C18orf63: variants seen among roughly 807,000 people sequenced by gnomAD.
The protein encoded by C18orf63 is uncharacterized protein C18orf63.
In C18orf63, 50 loss-of-function variants were observed where a neutral mutation model predicts 75.3. That is an observed-to-expected ratio of 0.66 (90% CI 0.53 to 0.84). The LOEUF (loss-of-function observed/expected upper bound fraction) is 0.84. Among genes scored for constraint, C18orf63 ranks in the 40% least tolerant of loss-of-function variants. The pLI, the probability that C18orf63 is intolerant of heterozygous loss-of-function variation, is 0.00. For synonymous variants in C18orf63, 232 were observed against 267.6 expected (o/e 0.87, Z 1.30); for missense variants, 732 against 800.2 (o/e 0.91, Z 1.03).
In C18orf63 at chr18:74,356,803, A is replaced by C. The variant is rs1325518577; in HGVS notation, c.*356A>C. ...GCCCTTATTGAAATTATCAAACCAC[A>C]TAAAGCACAGATAAGAGTATGAAGA... On this transcript the variant is annotated 3_prime_UTR_variant, in exon 14 of 14. Coordinates refer to ENST00000579455, the MANE Select transcript of C18orf63 (RefSeq NM_001174123.2). 3.3e-5 allele frequency: 5 copies of C among 152,222 alleles called. No homozygotes were observed. Among genetic ancestry groups the C allele is most frequent in the Non-Finnish European group, 7.3e-5 (5 of 68,034 alleles). The allele number at this position is 152,222 out of a possible 1,614,324, so 9.4% of individuals were successfully genotyped here. A position where few individuals can be genotyped will look rare whatever the true frequency, so the allele number is the denominator to read the frequency against.
chr18:74,318,387 A>G (rs1166673912), intron 2 of C18orf63, among the ~76,000 whole-genome samples: 1 of 152,174 alleles, frequency 6.6e-6, no homozygotes, highest in Non-Finnish European at 1.5e-5. Flanking sequence ...GAGATCCTAT[A>G]AACATCTTAG....
intron 3 of C18orf63, among the ~76,000 whole-genome samples, chr18:74,322,479 A>G (rs1984140435): frequency 1.3e-5 from 2 of 152,182 alleles, no homozygotes; most frequent in South Asian, 4.1e-4. Flanking sequence ...TACTGGGGTC[A>G]TGTCACTCCT....
chr18:74,321,272 T>A (rs7244277), intron 3 of C18orf63, among the ~76,000 whole-genome samples: 30,244 of 151,396 alleles, frequency 0.2, 3,236 homozygotes, highest in African/African-American at 0.27. Flanking sequence ...TATGTCCACC[T>A]CGTATTTTCC....
chr18:74,316,895 A>T (rs1251403558), intron 1 of C18orf63, among the ~76,000 whole-genome samples: 12 of 152,260 alleles, frequency 7.9e-5, no homozygotes, highest in African/African-American at 2.9e-4. Context: ...ACTCTTGTTT[A>T]CATACAGTGT....
At chr18:74,325,197 C>T (rs963463964) in intron 4 of C18orf63, among the ~76,000 whole-genome samples, 1 of 152,082 alleles carries the variant, frequency 6.6e-6, no homozygotes, top group African/African-American at 2.4e-5. Context: ...TAAACACGTT[C>T]GTGCTATATA....
chr18:74,331,035 A>G (rs1383586465), intron 7 of C18orf63, 93 bp downstream of exon 7: 2 of 460,118 alleles, frequency 4.3e-6, no homozygotes, highest in African/African-American at 4.1e-5. Flanking sequence ...TTTAATTTTT[A>G]ACATAAAGCG....
chr18:74,341,557 G>A (rs1173370574), intron 8 of C18orf63, among the ~76,000 whole-genome samples: 1 of 152,034 alleles, frequency 6.6e-6, no homozygotes, highest in East Asian at 1.9e-4. Context: ...GTGCACGCTT[G>A]TAATCCCAGC....
intron 10 of C18orf63, 78 bp downstream of exon 10, chr18:74,342,404 A>G: frequency 1.2e-6 from 1 of 810,446 alleles, no homozygotes; most frequent in Non-Finnish European, 2.0e-6. Context: ...CTCATGTCAT[A>G]CTTTTCAACC....
At chr18:74,333,096 C>T (rs1984336833) in intron 7 of C18orf63, among the ~76,000 whole-genome samples, 1 of 152,134 alleles carries the variant, frequency 6.6e-6, no homozygotes, top group Non-Finnish European at 1.5e-5. Context: ...GCCCAACATG[C>T]ATGAACTGGG....
chr18:74,321,499 T>C (rs1281119787), intron 3 of C18orf63, among the ~76,000 whole-genome samples: 1 of 151,758 alleles, frequency 6.6e-6, no homozygotes, highest in Non-Finnish European at 1.5e-5. Context: ...GAGAGAGGGT[T>C]TTCCTGTGTT....
chr18:74,331,731 G>A (rs749641242), intron 7 of C18orf63, among the ~76,000 whole-genome samples: 6 of 152,148 alleles, frequency 3.9e-5, no homozygotes, highest in African/African-American at 9.7e-5. Context: ...GAAACCCCAG[G>A]CATAGAACAA....
intron 11 of C18orf63, among the ~76,000 whole-genome samples, chr18:74,346,198 C>G (rs1450899244): frequency 2.0e-5 from 3 of 151,960 alleles, no homozygotes; most frequent in Admixed American, 6.6e-5. Flanking sequence ...TATTAACTTT[C>G]TAAGATATGG....
At chr18:74,344,207 G>A (rs1984534442) in intron 11 of C18orf63, among the ~76,000 whole-genome samples, 1 of 152,074 alleles carries the variant, frequency 6.6e-6, no homozygotes, top group Non-Finnish European at 1.5e-5. Context: ...GTCTGCTAAT[G>A]GACAAGTTAA....
chr18:74,349,503 A>G (rs1322662333), intron 11 of C18orf63, among the ~76,000 whole-genome samples: 1 of 151,834 alleles, frequency 6.6e-6, no homozygotes, highest in Non-Finnish European at 1.5e-5. Context: ...GCGAGCGAGC[A>G]TTACCGCCTG....
intron 5 of C18orf63, 150 bp from the exon 6 acceptor site, chr18:74,328,845 T>C: frequency 6.5e-6 from 3 of 460,428 alleles, no homozygotes; most frequent in Non-Finnish European, 1.2e-5. Flanking sequence ...TTATATTTTT[T>C]CAGCTGTCAT....
chr18:74,334,861 A>T (rs1420286652), intron 7 of C18orf63, among the ~76,000 whole-genome samples: 1 of 152,144 alleles, frequency 6.6e-6, no homozygotes, highest in Non-Finnish European at 1.5e-5. Context: ...ATCTCCCATT[A>T]CTGCTCTCCA....
rs985263002 is a variant in C18orf63, at chr18:74,358,941, T to C, written c.*2494T>C. 8 of 152,224 alleles carry C rather than the reference T, an allele frequency of 5.3e-5. No homozygotes were observed. In the Middle Eastern group the frequency reaches 0.01, roughly 194 times the overall value. 9.4% of individuals were successfully genotyped at this position (152,224 alleles called of 1,614,324 possible). ...TAAAAAGGTAAAAAAAAAATGAACT[T>C]GTTAATGATTAGCTTTTATTTGACT... On this transcript the variant is annotated 3_prime_UTR_variant, in exon 14 of 14. Transcript: ENST00000579455.
intron 11 of C18orf63, among the ~76,000 whole-genome samples, chr18:74,350,080 G>C (rs940083033): frequency 6.6e-6 from 1 of 152,142 alleles, no homozygotes; most frequent in African/African-American, 2.4e-5. Flanking sequence ...GTGGGGTGTG[G>C]GGGTAGGAGG....
In C18orf63 at chr18:74,342,030, AGT is replaced by A. The variant is rs1308342176; in HGVS notation, c.612-1_612del. ...ATAATAGCTTCCTCTCATTTTTCAT[AGT>A]ATGAAAATGGGACAAATTATAAATA... On this transcript the variant is annotated splice_acceptor_variant and coding_sequence_variant, in exon 9 of 14. Transcript: ENST00000579455. LOFTEE classifies it high-confidence loss of function. 3.5e-6 allele frequency: 5 copies of A among 1,443,044 alleles called. No individual in the cohort carries two copies. The highest frequency in any genetic ancestry group is 1.4e-5 in the African/African-American group (1 of 70,750). 89.4% of individuals were successfully genotyped at this position (1,443,044 alleles called of 1,614,324 possible).
Sources: gnomAD v4.1 joint callset for allele counts (sites outside exome capture counted in the v4.1 genomes callset) on GRCh38, gnomAD v4.1.1 for gene constraint, MANE v1.5 for transcripts, NCBI Gene and HGNC (gene_info 2026-07-23, HGNC 2026-07-21) for gene names.